The following TENM3 variants were observed in gnomAD, a reference collection of about 807,000 sequenced individuals.
TENM3 encodes teneurin transmembrane protein 3, also known as teneurin-3.
A neutral mutation model predicts 255.1 loss-of-function variants in TENM3; 63 were observed. The observed-to-expected ratio is 0.25, with a 90% CI of 0.20 to 0.30. The LOEUF is 0.30. TENM3 is among the 10% of genes least tolerant of loss of function. The pLI is 1.00. For missense variants in TENM3, 2,929 were observed against 3,461.1 expected, an observed-to-expected ratio of 0.85 and a Z score of 3.86; for synonymous variants, 1,306 against 1,322.3, an observed-to-expected ratio of 0.99 and a Z score of 0.27.
chr4:182,784,161 T>C (rs1312125404), intron 24 of TENM3, among the ~76,000 whole-genome samples: 2 of 152,214 alleles, frequency 1.3e-5, no homozygotes, highest in Non-Finnish European at 2.9e-5. Flanking sequence ...TTTTCTGTTC[T>C]GTTTTTTCCC....
At chr4:181,473,410 A>G in the TENM3 span, among the ~76,000 whole-genome samples, 1 of 151,990 alleles carries the variant, frequency 6.6e-6, no homozygotes, top group South Asian at 2.1e-4. Context: ...CAGCATAGGG[A>G]GAACCCATCT....
the TENM3 span, among the ~76,000 whole-genome samples, chr4:181,916,718 A>T: frequency 3.3e-5 from 5 of 152,094 alleles, no homozygotes; most frequent in Admixed American, 2.0e-4. Context: ...CTCTACTAAA[A>T]TTACAAAAAT....
intron 19 of TENM3, among the ~76,000 whole-genome samples, chr4:182,743,983 A>C (rs1048760613): frequency 2.6e-5 from 4 of 152,030 alleles, no homozygotes; most frequent in Non-Finnish European, 4.4e-5. Flanking sequence ...CCTAGACTAC[A>C]GAATTCATTT....
intron 3 of TENM3, among the ~76,000 whole-genome samples, chr4:182,435,855 C>T (rs1024558579): frequency 6.6e-6 from 1 of 151,660 alleles, no homozygotes; most frequent in African/African-American, 2.4e-5. Context: ...TAAGGAAGAC[C>T]TGAAGTTGGT....
the TENM3 span, among the ~76,000 whole-genome samples, chr4:181,931,387 C>T: frequency 1.3e-5 from 2 of 152,064 alleles, no homozygotes; most frequent in Non-Finnish European, 1.5e-5. Flanking sequence ...AAACAGAGAG[C>T]CAAATAGTGA....
intron 3 of TENM3, among the ~76,000 whole-genome samples, chr4:182,548,272 C>A (rs1392522577): frequency 6.6e-6 from 1 of 152,174 alleles, no homozygotes; most frequent in Non-Finnish European, 1.5e-5. Flanking sequence ...TAGAAAAAGA[C>A]CGCCCGTGAC....
At chr4:182,104,339 C>T in the TENM3 span, among the ~76,000 whole-genome samples, 40 of 152,204 alleles carry the variant, frequency 2.6e-4, no homozygotes, top group East Asian at 9.7e-4. Context: ...TAGCCACCTC[C>T]ACTCTTCTTT....
At chr4:181,470,197 T>C in the TENM3 span, among the ~76,000 whole-genome samples, 1 of 151,936 alleles carries the variant, frequency 6.6e-6, no homozygotes, top group East Asian at 1.9e-4. Context: ...TCAGGAATTT[T>C]AAACTCTACA....
At chr4:181,743,338 T>C in the TENM3 span, among the ~76,000 whole-genome samples, 2 of 152,150 alleles carry the variant, frequency 1.3e-5, no homozygotes, top group South Asian at 2.1e-4. Context: ...CCAGCACCTG[T>C]TGTTTCCTGA....
the TENM3 span, among the ~76,000 whole-genome samples, chr4:181,519,077 G>T: frequency 6.6e-6 from 1 of 152,282 alleles, no homozygotes; most frequent in Admixed American, 6.5e-5. Context: ...GCAAATATTT[G>T]CTAGCTTTGA....
chr4:182,334,933 A>T (rs73869931), intron 2 of TENM3, among the ~76,000 whole-genome samples: 1 of 152,152 alleles, frequency 6.6e-6, no homozygotes, highest in Admixed American at 6.5e-5. Flanking sequence ...TTCTTATAAA[A>T]CACGAAGTCC....
chr4:182,631,420 C>G (rs151115389), intron 5 of TENM3: 7 of 152,308 alleles, frequency 4.6e-5, no homozygotes, highest in African/African-American at 1.7e-4. Context: ...GGCTAACACA[C>G]TAACACAATG....
the TENM3 span, among the ~76,000 whole-genome samples, chr4:182,034,030 A>G: frequency 6.6e-6 from 1 of 152,180 alleles, no homozygotes; most frequent in African/African-American, 2.4e-5. Flanking sequence ...ATGTACTCAC[A>G]GTTCCACGTG....
intron 1 of TENM3, among the ~76,000 whole-genome samples, chr4:182,228,805 T>C (rs150089126): frequency 6.6e-4 from 100 of 152,324 alleles, no homozygotes; most frequent in Non-Finnish European, 1.2e-3. Context: ...GATTTCTATC[T>C]TTGTTTTATT....
chr4:182,546,801 T>A (rs1443685106), intron 3 of TENM3, among the ~76,000 whole-genome samples: 3 of 152,152 alleles, frequency 2.0e-5, no homozygotes, highest in Non-Finnish European at 4.4e-5. Flanking sequence ...CAAAAGTGTG[T>A]CCAAGAGTTA....
At chr4:181,926,367 G>A in the TENM3 span, among the ~76,000 whole-genome samples, 1 of 152,172 alleles carries the variant, frequency 6.6e-6, no homozygotes, top group African/African-American at 2.4e-5. Context: ...AAGTTCTGTT[G>A]AGGCAAGAAA....
chr4:181,706,418 G>T, the TENM3 span, among the ~76,000 whole-genome samples: 2 of 152,058 alleles, frequency 1.3e-5, no homozygotes, highest in East Asian at 3.9e-4. Context: ...TCGTAAAGTC[G>T]TCCATAGACT....
At chr4:182,490,118 C>G (rs972050785) in intron 3 of TENM3, among the ~76,000 whole-genome samples, 2 of 152,086 alleles carry the variant, frequency 1.3e-5, no homozygotes, top group African/African-American at 4.8e-5. Flanking sequence ...CACTATATTC[C>G]TCTAGAAACT....
the TENM3 span, among the ~76,000 whole-genome samples, chr4:182,041,446 A>G: frequency 1.3e-5 from 2 of 152,232 alleles, no homozygotes; most frequent in Admixed American, 6.5e-5. Flanking sequence ...ATGTGAACAC[A>G]TAAAATAAAG....
Sources: allele counts gnomAD v4.1 joint callset (sites outside exome capture counted in the v4.1 genomes callset), GRCh38; gene constraint gnomAD v4.1.1; transcripts MANE v1.5; gene names NCBI Gene and HGNC (gene_info 2026-07-23, HGNC 2026-07-21).